SPTBN1: variants seen among roughly 807,000 people sequenced by gnomAD.
The protein encoded by SPTBN1 is spectrin beta chain, non-erythrocytic 1.
SPTBN1 carries 32 observed loss-of-function variants against 266.4 expected under a neutral mutation model. The ratio of observed to expected loss-of-function variants is 0.12; its 90% CI spans 0.09 to 0.16. SPTBN1 has a LOEUF of 0.16. Ranked by LOEUF, SPTBN1 falls within the 10% of genes least tolerant of loss-of-function variation. The probability of loss-of-function intolerance (pLI) is 1.00; values close to 1 mark genes in which losing one functional copy is unlikely to be tolerated. For missense variants in SPTBN1, 2,296 were observed against 3,067.1 expected, an observed-to-expected ratio of 0.75 and a Z score of 5.94; for synonymous variants, 1,336 against 1,162.2, an observed-to-expected ratio of 1.15 and a Z score of -3.04.
intron 2 of SPTBN1, among the ~76,000 whole-genome samples, chr2:54,590,540 A>AAAAGATAAAAGATAAAAGATAGG (rs1675606073): frequency 6.6e-6 from 1 of 152,252 alleles, no homozygotes; most frequent in Non-Finnish European, 1.5e-5. Flanking sequence ...CAAGACGTAT[A>AAAAGATAAAAGATAAAAGATAGG]ATAAAAGATG....
chr2:54,575,412 T>C (rs1391674811), intron 2 of SPTBN1, among the ~76,000 whole-genome samples: 1 of 152,278 alleles, frequency 6.6e-6, no homozygotes, highest in African/African-American at 2.4e-5. Flanking sequence ...AACAGTCTGC[T>C]AATTTGCTTA....
intron 4 of SPTBN1, among the ~76,000 whole-genome samples, chr2:54,614,137 G>A (rs547027961): frequency 9.9e-5 from 15 of 152,124 alleles, no homozygotes; most frequent in Non-Finnish European, 1.6e-4. Context: ...TGATGTTACC[G>A]CGTGGCCTGC....
At chr2:54,656,029 T>C in intron 29 of SPTBN1, 31 bp downstream of exon 29, 1 of 1,551,338 alleles carries the variant, frequency 6.4e-7, no homozygotes, top group South Asian at 1.1e-5. Context: ...TCTGCTCTTT[T>C]GGGTATCAAT....
rs1678508767 is a variant in SPTBN1, at chr2:54,628,589, C to A, written c.1798+339C>A. 6.6e-6 allele frequency among the ~76,000 whole-genome samples: 1 copy of A among 152,190 alleles called. No homozygotes were observed. Among genetic ancestry groups the A allele is most frequent in the South Asian group, 2.1e-4 (1 of 4,830 alleles). ...GGCTTTCACAGCTGGTTGCATATAC[C>A]TCTCTTTGGAGGATGTTTAGAATGA... On this transcript the variant is annotated intron_variant, in intron 13 of 35. Coordinates refer to ENST00000356805, the MANE Select transcript of SPTBN1 (RefSeq NM_003128.3). The surrounding 1 kb of genome is among the most constrained non-coding windows in gnomAD (Gnocchi z 4.3).
chr2:54,499,411 A>G (rs1013922256), intron 1 of SPTBN1, among the ~76,000 whole-genome samples: 1 of 152,206 alleles, frequency 6.6e-6, no homozygotes, highest in African/African-American at 2.4e-5. Flanking sequence ...ATGTAGTACT[A>G]AAAGTGAGAG....
At chr2:54,624,415 A>G (rs533809564) in intron 10 of SPTBN1, among the ~76,000 whole-genome samples, 1 of 152,358 alleles carries the variant, frequency 6.6e-6, no homozygotes, top group South Asian at 2.1e-4. Context: ...AAAGTGGCCC[A>G]GGGTGGAATG....
In SPTBN1 at chr2:54,668,644, A is replaced by T; in HGVS notation, c.*75A>T. The stretch of plus-strand genomic sequence containing the variant: ...CAGCATGCAAGCTCAGAACCAACAC[A>T]TTACTCTCTGTGCCTAATGTTCCTC... On this transcript the variant is annotated 3_prime_UTR_variant, in exon 36 of 36. Coordinates refer to ENST00000356805, the MANE Select transcript of SPTBN1 (RefSeq NM_003128.3). 2 of 1,315,568 alleles carry T rather than the reference A, an allele frequency of 1.5e-6. No individual in the cohort carries two copies. The highest frequency in any genetic ancestry group is 1.9e-4 in the Middle Eastern group (1 of 5,186). The allele number at this position is 1,315,568 out of a possible 1,614,324, so 81.5% of individuals were successfully genotyped here. A position where few individuals can be genotyped will look rare whatever the true frequency, so the allele number is the denominator to read the frequency against.
At chr2:54,607,974 C>G (rs927422937) in intron 3 of SPTBN1, among the ~76,000 whole-genome samples, 2 of 152,192 alleles carry the variant, frequency 1.3e-5, no homozygotes, top group African/African-American at 2.4e-5. Context: ...GTTTTCCGTA[C>G]AGCACATAGC....
chr2:54,649,719 A>T lies in SPTBN1; in HGVS notation c.5307A>T (p.Gly1769=), dbSNP rs1200332345. The T allele has an allele frequency of 6.2e-7, 1 of 1,614,004 alleles. No homozygotes were observed. Among genetic ancestry groups the T allele is most frequent in the Non-Finnish European group, 8.5e-7 (1 of 1,180,020 alleles). ...TGGCAGATGAGCTCATCAACTCTGG[A>T]CATTCAGATGCCGCCACCATCGCTG... ...NHLADELINS[G]HSDAATIAEW... Residue 1769 remains glycine (G), a synonymous_variant, in exon 26 of 36, where the codon GGA becomes GGT. Coordinates refer to ENST00000356805, the MANE Select transcript of SPTBN1 (RefSeq NM_003128.3). The surrounding 1 kb of genome is among the most constrained non-coding windows in gnomAD (Gnocchi z 6.7).
intron 2 of SPTBN1, chr2:54,557,922 G>A: frequency 1.0e-6 from 1 of 985,376 alleles, no homozygotes; most frequent in Non-Finnish European, 1.2e-6. Flanking sequence ...CGCGTGGTTG[G>A]CGCCAGCGCA....
intron 1 of SPTBN1, among the ~76,000 whole-genome samples, chr2:54,522,651 AGAGAGAAAGAGAGAG>A (rs1253755333): frequency 1.1e-3 from 62 of 56,618 alleles, no homozygotes; most frequent in East Asian, 1.6e-3. Context: ...AAAGAAAGAG[AGAGAGAAAGAGAGAG>A]AGAGAGAGAG....
intron 2 of SPTBN1, among the ~76,000 whole-genome samples, chr2:54,556,708 G>A (rs1246145433): frequency 3.9e-5 from 6 of 151,932 alleles, no homozygotes; most frequent in South Asian, 4.2e-4. Flanking sequence ...TGGGCGGGGG[G>A]TGATGAAAGG....
At chr2:54,505,028 CCAAA>C (rs922359984) in intron 1 of SPTBN1, among the ~76,000 whole-genome samples, 2 of 152,076 alleles carry the variant, frequency 1.3e-5, no homozygotes, top group Admixed American at 6.6e-5. Context: ...TGACAACACC[CCAAA>C]CAAAGAATGG....
chr2:54,509,373 A>C (rs1669736433), intron 1 of SPTBN1, among the ~76,000 whole-genome samples: 1 of 152,220 alleles, frequency 6.6e-6, no homozygotes, highest in South Asian at 2.1e-4. Flanking sequence ...GGGGAGCAGA[A>C]AGTATATGCA....
chr2:54,495,963 AT>A (rs1668947545), intron 1 of SPTBN1, among the ~76,000 whole-genome samples: 1 of 152,184 alleles, frequency 6.6e-6, no homozygotes, highest in African/African-American at 2.4e-5. Context: ...TCTAGTAGAC[AT>A]TTTAACTAAA....
chr2:54,570,348 C>A (rs1673971721), intron 2 of SPTBN1, among the ~76,000 whole-genome samples: 1 of 152,094 alleles, frequency 6.6e-6, no homozygotes, highest in African/African-American at 2.4e-5. Context: ...TTCACAAAGG[C>A]CTTGTGAAAG....
At chr2:54,488,334 A>G (rs1668513032) in intron 1 of SPTBN1, among the ~76,000 whole-genome samples, 1 of 152,172 alleles carries the variant, frequency 6.6e-6, no homozygotes. Flanking sequence ...GACGAGACCA[A>G]GGACCTTTCG....
chr2:54,578,441 C>A (rs1674636877), intron 2 of SPTBN1, among the ~76,000 whole-genome samples: 1 of 152,102 alleles, frequency 6.6e-6, no homozygotes, highest in Non-Finnish European at 1.5e-5. Context: ...AATGGATAAT[C>A]CCTGTTTCCG....
In SPTBN1 at chr2:54,626,606, G is replaced by A. The variant is rs1424720742; in HGVS notation, c.1644+372G>A. 6.6e-6 allele frequency among the ~76,000 whole-genome samples: 1 copy of A among 152,186 alleles called. No homozygotes were observed. The stretch of plus-strand genomic sequence containing the variant: ...CTTTGGGCAGGGGTCCCGGAGAGGT[G>A]GTATGGGGAGAAGGGAGGAGTGGTA... On this transcript the variant is annotated intron_variant, in intron 12 of 35. Coordinates refer to ENST00000356805, the MANE Select transcript of SPTBN1 (RefSeq NM_003128.3). This position sits in a 1 kb window ranked among gnomAD's most constrained non-coding sequence, Gnocchi z 4.7.
Sources: allele counts gnomAD v4.1 joint callset (sites outside exome capture counted in the v4.1 genomes callset), GRCh38; gene constraint gnomAD v4.1.1; non-coding constraint Gnocchi (gnomAD v3.1); transcripts MANE v1.5; gene names NCBI Gene and HGNC (gene_info 2026-07-23, HGNC 2026-07-21).